EMCN: variants seen among roughly 807,000 people sequenced by gnomAD.
EMCN encodes MUC-14.
A neutral mutation model predicts 38.4 loss-of-function variants in EMCN; 37 were observed. The observed-to-expected ratio is 0.96, with a 90% CI of 0.74 to 1.27. The LOEUF is 1.27. Ranked by LOEUF, EMCN falls within the 50% of genes most tolerant of loss-of-function variation. The pLI, the probability that EMCN is intolerant of heterozygous loss-of-function variation, is 0.00. For missense variants in EMCN, 318 were observed against 302.8 expected, an observed-to-expected ratio of 1.05 and a Z score of -0.37; for synonymous variants, 95 against 100.8, an observed-to-expected ratio of 0.94 and a Z score of 0.35.
chr4:100,482,309 G>T (rs554458955), intron 1 of EMCN, among the ~76,000 whole-genome samples: 1 of 152,262 alleles, frequency 6.6e-6, no homozygotes, highest in South Asian at 2.1e-4. Flanking sequence ...GTGTGTGTGT[G>T]TGTTGTGTGT....
intron 2 of EMCN, among the ~76,000 whole-genome samples, chr4:100,475,658 C>CATTTTTTTTT (rs1728617733): frequency 3.7e-5 from 4 of 108,092 alleles, no homozygotes; most frequent in African/African-American, 3.7e-5. Flanking sequence ...CAATTCTAGT[C>CATTTTTTTTT]CTTTTTTTTT....
At chr4:100,450,738 C>T (rs186816886) in intron 4 of EMCN, among the ~76,000 whole-genome samples, 22 of 151,908 alleles carry the variant, frequency 1.4e-4, no homozygotes, top group East Asian at 7.7e-4. Context: ...TTAATTAAAT[C>T]GCATATGAGA....
chr4:100,463,253 T>C (rs1460375411), intron 4 of EMCN, among the ~76,000 whole-genome samples: 1 of 152,146 alleles, frequency 6.6e-6, no homozygotes, highest in Non-Finnish European at 1.5e-5. Context: ...TATCTCCCAA[T>C]ATACTCTCCA....
intron 6 of EMCN, 42 bp from the exon 7 acceptor site, chr4:100,423,122 G>A (rs1183392973): frequency 9.5e-6 from 15 of 1,581,876 alleles, no homozygotes; most frequent in Non-Finnish European, 1.2e-5. Context: ...GTTAATGTGT[G>A]CCAATTCTTG....
rs901784569 is a variant in EMCN at position 100,397,714 on chromosome 4, A to G, written c.*699T>C. Reference sequence around the variant, plus strand: ...TGAATCGTATGTCCCTTTCTGACTTATTACAAATGCCTTTCATTAGTGAGT... The same window carrying G: ...TGAATCGTATGTCCCTTTCTGACTTGTTACAAATGCCTTTCATTAGTGAGT... On this transcript the variant is annotated 3_prime_UTR_variant, in exon 12 of 12. Transcript: ENST00000296420. 7 of 152,262 alleles carry G rather than the reference A, an allele frequency of 4.6e-5. No individual in the cohort carries two copies. The highest frequency in any genetic ancestry group is 4.6e-4 in the Admixed American group (7 of 15,276). The allele number at this position is 152,262 out of a possible 1,614,324, so 9.4% of individuals were successfully genotyped here. A position where few individuals can be genotyped will look rare whatever the true frequency, so the allele number is the denominator to read the frequency against.
At chr4:100,440,835 C>T (rs993318914) in intron 5 of EMCN, among the ~76,000 whole-genome samples, 1 of 151,872 alleles carries the variant, frequency 6.6e-6, no homozygotes, top group African/African-American at 2.4e-5. Flanking sequence ...GGGGTAATAC[C>T]AGCACTTTGG....
At chr4:100,462,981 A>C (rs1728222427) in intron 4 of EMCN, among the ~76,000 whole-genome samples, 2 of 152,142 alleles carry the variant, frequency 1.3e-5, no homozygotes, top group Non-Finnish European at 2.9e-5. Context: ...GAAAAGACTT[A>C]GACATTATGA....
At position 100,427,059 on chromosome 4, in the gene EMCN, G is replaced by A. The variant is rs78658424; in HGVS notation, c.416-3655C>T. Among the ~76,000 whole-genome samples the A allele has an allele frequency of 8.3e-3, 1,268 of 152,098 alleles. 6 individuals carry two copies. The highest frequency in any genetic ancestry group is 0.014 in the Non-Finnish European group (967 of 67,978). ...ATGGTGGCTCACGCCTGTAATCCCA[G>A]CACTTTGGAACTGGTCTCTAATTGT... On this transcript the variant is annotated intron_variant, in intron 5 of 11. Transcript: ENST00000296420.
intron 5 of EMCN, among the ~76,000 whole-genome samples, chr4:100,443,378 G>C (rs72923855): frequency 6.6e-6 from 1 of 152,172 alleles, no homozygotes; most frequent in Non-Finnish European, 1.5e-5. Flanking sequence ...TGGGCAGGGC[G>C]CCTCTGGTTA....
At chr4:100,407,283 C>T (rs202174809) in intron 11 of EMCN, among the ~76,000 whole-genome samples, 5 of 152,096 alleles carry the variant, frequency 3.3e-5, no homozygotes, top group South Asian at 2.1e-4. Flanking sequence ...CCTGGCGTTA[C>T]GTAGACATGA....
intron 8 of EMCN, among the ~76,000 whole-genome samples, chr4:100,418,726 C>CT (rs373520167): frequency 6.6e-6 from 1 of 152,074 alleles, no homozygotes; most frequent in Admixed American, 6.6e-5. Flanking sequence ...GGATCTCATT[C>CT]TTTTTTGTGA....
At chr4:100,466,965 C>A (rs979689667) in intron 3 of EMCN, among the ~76,000 whole-genome samples, 10 of 151,862 alleles carry the variant, frequency 6.6e-5, no homozygotes, top group Admixed American at 2.6e-4. Flanking sequence ...ATCAAGCAGA[C>A]TCAACAGTCT....
At chr4:100,451,442 A>G (rs1232799601) in intron 4 of EMCN, among the ~76,000 whole-genome samples, 1 of 151,902 alleles carries the variant, frequency 6.6e-6, no homozygotes, top group Non-Finnish European at 1.5e-5. Context: ...AAATATACAC[A>G]TTCAAGTATA....
Position 100,465,431 on chromosome 4 carries a change from T to C in EMCN, c.368A>G (p.Lys123Arg). The C allele has an allele frequency of 6.3e-7, 1 of 1,594,692 alleles. No homozygotes were observed. Among genetic ancestry groups the C allele is most frequent in the Non-Finnish European group, 8.6e-7 (1 of 1,165,924 alleles). ...CAAATCCTCATACTTACTCTTGGGT[T>C]TGGAACTTTGTAATGTTGAAACAGC... ...PNAVSTLQSS[K>R]PKTETQSSIK... Residue 123 changes from lysine (K) to arginine (R), a missense_variant, in exon 4 of 12, where the codon AAA becomes AGA. Coordinates refer to ENST00000296420, the MANE Select transcript of EMCN (RefSeq NM_016242.4).
chr4:100,510,325 T>A (rs1729594014), intron 1 of EMCN, among the ~76,000 whole-genome samples: 1 of 152,232 alleles, frequency 6.6e-6, no homozygotes, highest in Non-Finnish European at 1.5e-5. Flanking sequence ...CCTGTTTGCA[T>A]ATAATGTATA....
At chr4:100,405,146 CA>C (rs1442443852) in intron 11 of EMCN, among the ~76,000 whole-genome samples, 1 of 152,012 alleles carries the variant, frequency 6.6e-6, no homozygotes, top group African/African-American at 2.4e-5. Flanking sequence ...GGTATAGAAA[CA>C]TATAATCTAT....
intron 1 of EMCN, among the ~76,000 whole-genome samples, chr4:100,492,976 G>A (rs1292736295): frequency 1.3e-5 from 2 of 152,086 alleles, no homozygotes; most frequent in African/African-American, 2.4e-5. Flanking sequence ...TAGACTTTTT[G>A]TGCAGATCTA....
intron 10 of EMCN, among the ~76,000 whole-genome samples, chr4:100,415,275 CAAAA>C (rs1726692578): frequency 6.6e-6 from 1 of 152,080 alleles, no homozygotes; most frequent in Non-Finnish European, 1.5e-5. Flanking sequence ...CTAATCTACT[CAAAA>C]GAAAGAAAAA....
intron 5 of EMCN, among the ~76,000 whole-genome samples, chr4:100,437,664 A>G (rs1727395025): frequency 6.6e-6 from 1 of 152,132 alleles, no homozygotes; most frequent in African/African-American, 2.4e-5. Context: ...AAAGACTATC[A>G]TATACCCATT....
Sources: gnomAD v4.1 joint callset for allele counts (sites outside exome capture counted in the v4.1 genomes callset) on GRCh38, gnomAD v4.1.1 for gene constraint, MANE v1.5 for transcripts, NCBI Gene and HGNC (gene_info 2026-07-23, HGNC 2026-07-21) for gene names.